The following HOMER2 variants were observed in gnomAD, a reference collection of about 807,000 sequenced individuals.
HOMER2 encodes homer scaffold protein 2, also known as homer protein homolog 2.
A neutral mutation model predicts 47.0 loss-of-function variants in HOMER2; 27 were observed. The ratio of observed to expected loss-of-function variants is 0.57; its 90% CI spans 0.42 to 0.79. The LOEUF is 0.79. HOMER2 is among the 30% of genes least tolerant of loss of function. HOMER2 has a pLI of 0.00. For missense variants in HOMER2, 443 were observed against 435.0 expected (o/e 1.02, Z -0.16); for synonymous variants, 161 against 163.8 (o/e 0.98, Z 0.13).
At chr15:82,970,438 C>T (rs1399600819) in intron 1 of HOMER2, among the ~76,000 whole-genome samples, 2 of 152,226 alleles carry the variant, frequency 1.3e-5, no homozygotes, top group Non-Finnish European at 2.9e-5. Flanking sequence ...ACATGCCTCA[C>T]ATTACCATCA....
intron 3 of HOMER2, among the ~76,000 whole-genome samples, chr15:82,865,669 C>T (rs11856299): frequency 0.24 from 36,310 of 152,090 alleles, 4,635 homozygotes; most frequent in African/African-American, 0.3. Flanking sequence ...GGCAGGATCC[C>T]CATGCTGTGT....
At chr15:82,983,269 T>C (rs1596392265) in intron 1 of HOMER2, among the ~76,000 whole-genome samples, 2 of 152,206 alleles carry the variant, frequency 1.3e-5, no homozygotes, top group African/African-American at 2.4e-5. Context: ...CATGGTACCA[T>C]TGTAAAGTAC....
At chr15:82,919,706 G>A (rs1278175016) in intron 1 of HOMER2, among the ~76,000 whole-genome samples, 1 of 152,132 alleles carries the variant, frequency 6.6e-6, no homozygotes, top group Non-Finnish European at 1.5e-5. Context: ...TATAAATATT[G>A]TTCCCTGCAG....
intron 1 of HOMER2, among the ~76,000 whole-genome samples, chr15:82,914,154 G>A (rs2053519076): frequency 6.7e-6 from 1 of 148,260 alleles, no homozygotes; most frequent in Admixed American, 6.8e-5. Flanking sequence ...GGCTAACACG[G>A]TGAAACCCCA....
At chr15:82,921,225 T>G (rs1596356005) in intron 1 of HOMER2, among the ~76,000 whole-genome samples, 1 of 151,978 alleles carries the variant, frequency 6.6e-6, no homozygotes, top group African/African-American at 2.4e-5. Context: ...GAGGCGGAGG[T>G]TGCAGTGAGC....
chr15:82,927,654 G>A (rs1038595359), intron 1 of HOMER2, among the ~76,000 whole-genome samples: 1 of 152,174 alleles, frequency 6.6e-6, no homozygotes, highest in Non-Finnish European at 1.5e-5. Flanking sequence ...TGCGTGAATG[G>A]AGGAGCAAAG....
chr15:82,884,631 C>T (rs1188084918), intron 2 of HOMER2, among the ~76,000 whole-genome samples: 3 of 65,816 alleles, frequency 4.6e-5, no homozygotes, highest in Admixed American at 1.7e-4. Flanking sequence ...AAGTTGGATT[C>T]CTAGGTATTT....
intron 1 of HOMER2, among the ~76,000 whole-genome samples, chr15:82,972,602 G>A (rs899333100): frequency 2.6e-5 from 4 of 151,914 alleles, no homozygotes; most frequent in African/African-American, 9.7e-5. Context: ...TGCCCACCTG[G>A]GCCTCCCAGG....
rs758548557 is a variant in HOMER2 at position 82,859,085 on chromosome 15, T to C, written c.438A>G (p.Pro146=). 1 of 1,614,038 alleles carries C rather than the reference T, an allele frequency of 6.2e-7. No individual in the cohort carries two copies. The highest frequency in any genetic ancestry group is 8.5e-7 in the Non-Finnish European group (1 of 1,179,890). Residue 146 remains proline, a synonymous_variant, in exon 5 of 9, where the codon CCA becomes CCG. Transcript: ENST00000450735. ...TCTCAGACTTCAGGTGTGTGTTGGC[T>C]GGACCGGCGTGAGAGGCCTTTTCAT... ...TDDEKASHAG[P]ANTHLKSEND... is the part of the protein sequence containing the mutation.
chr15:82,945,709 G>A (rs572305474), intron 1 of HOMER2, among the ~76,000 whole-genome samples: 8 of 152,084 alleles, frequency 5.3e-5, no homozygotes, highest in African/African-American at 1.2e-4. Context: ...GGTGGCTGAC[G>A]CCTGTAATCC....
chr15:82,921,508 G>C (rs1220392811), intron 1 of HOMER2, among the ~76,000 whole-genome samples: 1 of 152,180 alleles, frequency 6.6e-6, no homozygotes, highest in Non-Finnish European at 1.5e-5. Flanking sequence ...CCAGACCAAG[G>C]AAGACTTTAT....
intron 1 of HOMER2, among the ~76,000 whole-genome samples, chr15:82,970,141 T>C (rs1567079038): frequency 6.6e-6 from 1 of 152,228 alleles, no homozygotes; most frequent in Admixed American, 6.5e-5. Flanking sequence ...CAATTGCACA[T>C]GCAGAGTATG....
At chr15:82,903,475 G>A (rs1887191324) in intron 1 of HOMER2, among the ~76,000 whole-genome samples, 1 of 152,104 alleles carries the variant, frequency 6.6e-6, no homozygotes, top group Non-Finnish European at 1.5e-5. Context: ...AAATTAGCCA[G>A]GCGTGGTGGC....
chr15:82,841,401 A>T (rs2051174249), exon 2 of HOMER2: 1 of 152,178 alleles, frequency 6.6e-6, no homozygotes, highest in African/African-American at 2.4e-5. Context: ...CCCAACATCC[A>T]TTACTAATAA....
At chr15:82,953,046 T>C (rs1006273691), upstream of HOMER2, among the ~76,000 whole-genome samples, 1 of 152,216 alleles carries the variant, frequency 6.6e-6, no homozygotes, top group Non-Finnish European at 1.5e-5. Flanking sequence ...TAGGGCTACC[T>C]TTACTTTGCA....
chr15:82,940,295 A>G (rs950435031), intron 1 of HOMER2, among the ~76,000 whole-genome samples: 4 of 152,134 alleles, frequency 2.6e-5, no homozygotes, highest in African/African-American at 9.7e-5. Flanking sequence ...CTGCATAGTG[A>G]CTCCAACCTA....
rs1462094138 is a variant in HOMER2, at chr15:82,849,475, T to C, written c.*240A>G. On this transcript the variant is annotated 3_prime_UTR_variant, in exon 9 of 9. Coordinates refer to ENST00000450735, the MANE Select transcript of HOMER2 (RefSeq NM_004839.4). Reference sequence around the variant, plus strand: ...GCCCTGACTGCATAAATGTTGAAGGTAGACCTAGTTCTGGATTCCTGAGTC... The same window carrying C: ...GCCCTGACTGCATAAATGTTGAAGGCAGACCTAGTTCTGGATTCCTGAGTC... 1 of 543,666 alleles carries C rather than the reference T, an allele frequency of 1.8e-6. No homozygotes were observed. Among genetic ancestry groups the C allele is most frequent in the Non-Finnish European group, 3.3e-6 (1 of 306,358 alleles). The allele number at this position is 543,666 out of a possible 1,614,324, so 33.7% of individuals were successfully genotyped here. A position where few individuals can be genotyped will look rare whatever the true frequency, so the allele number is the denominator to read the frequency against.
At chr15:82,927,563 A>G (rs965374624) in intron 1 of HOMER2, among the ~76,000 whole-genome samples, 5 of 152,218 alleles carry the variant, frequency 3.3e-5, no homozygotes, top group Non-Finnish European at 5.9e-5. Flanking sequence ...AATTATTTTT[A>G]TAATATTCAA....
At chr15:82,864,320 AC>A (rs2051893033) in intron 3 of HOMER2, 61 bp from the exon 4 acceptor site, 9 of 1,110,368 alleles carry the variant, frequency 8.1e-6, no homozygotes, top group Middle Eastern at 4.0e-4. Flanking sequence ...GGTATTCAGA[AC>A]CCACCTTTAT....
Sources: allele counts gnomAD v4.1 joint callset (sites outside exome capture counted in the v4.1 genomes callset), GRCh38; gene constraint gnomAD v4.1.1; transcripts MANE v1.5; gene names NCBI Gene and HGNC (gene_info 2026-07-23, HGNC 2026-07-21).